Variants in WIPF2 observed in about 807,000 individuals in gnomAD.
The protein encoded by WIPF2 is WAS/WASL-interacting protein family member 2.
A neutral mutation model predicts 38.8 loss-of-function variants in WIPF2; 23 were observed. The observed-to-expected ratio is 0.59, with a 90% CI of 0.43 to 0.84. WIPF2 has a LOEUF of 0.84. Ranked by LOEUF, WIPF2 falls within the 40% of genes least tolerant of loss-of-function variation. The pLI, the probability that WIPF2 is intolerant of heterozygous loss-of-function variation, is 0.00. For synonymous variants in WIPF2, 210 were observed against 223.2 expected, an observed-to-expected ratio of 0.94 and a Z score of 0.53; for missense variants, 574 against 580.5, an observed-to-expected ratio of 0.99 and a Z score of 0.11.
At chr17:40,272,664 A>G (rs899203081) in intron 5 of WIPF2, among the ~76,000 whole-genome samples, 1 of 151,998 alleles carries the variant, frequency 6.6e-6, no homozygotes, top group African/African-American at 2.4e-5. Flanking sequence ...GGTAGGGAGG[A>G]TTTGGTAGTA....
intron 1 of WIPF2, among the ~76,000 whole-genome samples, chr17:40,226,062 G>C (rs1412027525): frequency 6.6e-6 from 1 of 151,876 alleles, no homozygotes; most frequent in Non-Finnish European, 1.5e-5. Flanking sequence ...TATTTCTAAA[G>C]TGCAAATTCA....
intron 1 of WIPF2, among the ~76,000 whole-genome samples, chr17:40,242,279 AT>A (rs757428764): frequency 5.9e-5 from 9 of 152,130 alleles, no homozygotes; most frequent in Non-Finnish European, 1.2e-4. Flanking sequence ...AGGTGAGAAG[AT>A]TGCTTGAGCC....
chr17:40,223,881 G>A (rs781690699), intron 1 of WIPF2, among the ~76,000 whole-genome samples: 1 of 151,858 alleles, frequency 6.6e-6, no homozygotes, highest in East Asian at 1.9e-4. Flanking sequence ...CACCGCGCCC[G>A]GCCCGAGAAA....
intron 5 of WIPF2, among the ~76,000 whole-genome samples, chr17:40,270,411 C>T (rs1034678329): frequency 1.3e-5 from 2 of 151,802 alleles, no homozygotes; most frequent in African/African-American, 2.4e-5. Context: ...GACAAAGAGC[C>T]CAGAAGCTTA....
At chr17:40,255,075 G>A (rs951523069) in intron 1 of WIPF2, among the ~76,000 whole-genome samples, 1 of 152,072 alleles carries the variant, frequency 6.6e-6, no homozygotes, top group African/African-American at 2.4e-5. Context: ...TCAAGAAAAT[G>A]AGAAGATAAG....
intron 1 of WIPF2, among the ~76,000 whole-genome samples, chr17:40,245,032 G>C (rs1334619352): frequency 2.0e-5 from 3 of 152,170 alleles, no homozygotes; most frequent in African/African-American, 7.2e-5. Flanking sequence ...TGTAGTCCCA[G>C]CTACTGGGGA....
intron 5 of WIPF2, among the ~76,000 whole-genome samples, chr17:40,271,115 C>T (rs1179777386): frequency 6.6e-6 from 1 of 152,120 alleles, no homozygotes; most frequent in East Asian, 1.9e-4. Context: ...GGATTGCAGG[C>T]GTGTGCCACC....
At chr17:40,238,060 G>T (rs1354411876) in intron 1 of WIPF2, among the ~76,000 whole-genome samples, 2 of 144,928 alleles carry the variant, frequency 1.4e-5, no homozygotes, top group Non-Finnish European at 3.0e-5. Context: ...GGGAGACTCC[G>T]TCTCAAAAGA....
In WIPF2 at chr17:40,264,983, T is replaced by TA. The variant is rs2032039895; in HGVS notation, c.809dup (p.Asn270LysfsTer2). 1.2e-6 allele frequency: 2 copies of TA among 1,613,922 alleles called. No homozygotes were observed. The highest frequency in any genetic ancestry group is 2.2e-5 in the South Asian group (2 of 91,086). ...TCCCCAATGGACCCTCTAGCCCCAC[T>TA]AATGAGTCAGCCCCTGAGCTGCCAC... On this transcript the variant is annotated frameshift_variant, in exon 5 of 8. Coordinates refer to ENST00000323571, the MANE Select transcript of WIPF2 (RefSeq NM_133264.5). LOFTEE classifies it high-confidence loss of function.
At chr17:40,230,156 A>C (rs2030678265) in intron 1 of WIPF2, among the ~76,000 whole-genome samples, 2 of 152,122 alleles carry the variant, frequency 1.3e-5, no homozygotes, top group Non-Finnish European at 2.9e-5. Flanking sequence ...TGGGCAACAT[A>C]GGGAGACCCC....
intron 1 of WIPF2, among the ~76,000 whole-genome samples, chr17:40,234,544 C>T (rs556516092): frequency 6.6e-6 from 1 of 152,184 alleles, no homozygotes; most frequent in East Asian, 1.9e-4. Flanking sequence ...ATCACTTGAG[C>T]TGGTAGGTCA....
At chr17:40,277,637 C>T (rs1403759110) in intron 7 of WIPF2, among the ~76,000 whole-genome samples, 2 of 151,078 alleles carry the variant, frequency 1.3e-5, no homozygotes, top group African/African-American at 2.4e-5. Context: ...GCCAAGATCA[C>T]GCTACTGTAC....
chr17:40,264,058 C>T (rs768666368), intron 4 of WIPF2, among the ~76,000 whole-genome samples: 6 of 151,706 alleles, frequency 4.0e-5, no homozygotes, highest in African/African-American at 7.3e-5. Flanking sequence ...CTAGGCCGGA[C>T]GTGGTGGCTC....
At chr17:40,245,186 G>GC (rs1598478700) in intron 1 of WIPF2, among the ~76,000 whole-genome samples, 1 of 151,628 alleles carries the variant, frequency 6.6e-6, no homozygotes, top group East Asian at 1.9e-4. Flanking sequence ...ATGATTCTCT[G>GC]TTTTTTTTAC....
In WIPF2 at chr17:40,278,251, G is replaced by A; in HGVS notation, c.*26G>A. 1 of 1,612,444 alleles carries A rather than the reference G, an allele frequency of 6.2e-7. No individual in the cohort carries two copies. The highest frequency in any genetic ancestry group is 8.5e-7 in the Non-Finnish European group (1 of 1,179,252). On this transcript the variant is annotated 3_prime_UTR_variant, in exon 8 of 8. Transcript: ENST00000323571. Reference sequence around the variant, plus strand: ...AGCCTGGCTTGGTCCCGTTCCTCAGGAAAAGGATGGACCTTCTCTTCTTCT... The same window carrying A: ...AGCCTGGCTTGGTCCCGTTCCTCAGAAAAAGGATGGACCTTCTCTTCTTCT...
At chr17:40,273,122 C>T (rs1408349411) in intron 5 of WIPF2, among the ~76,000 whole-genome samples, 2 of 152,212 alleles carry the variant, frequency 1.3e-5, no homozygotes, top group East Asian at 1.9e-4. Flanking sequence ...CAACCTCCAC[C>T]TCCCAGGTTC....
At chr17:40,266,592 T>C (rs190089010) in intron 5 of WIPF2, among the ~76,000 whole-genome samples, 4 of 152,238 alleles carry the variant, frequency 2.6e-5, no homozygotes, top group Admixed American at 6.5e-5. Flanking sequence ...AGAAATCTCT[T>C]AAAGAGTTCG....
At chr17:40,224,671 C>G (rs2030407798) in intron 1 of WIPF2, among the ~76,000 whole-genome samples, 1 of 151,734 alleles carries the variant, frequency 6.6e-6, no homozygotes, top group Non-Finnish European at 1.5e-5. Flanking sequence ...CTTTTAGTCT[C>G]TGGTGGACAT....
intron 1 of WIPF2, among the ~76,000 whole-genome samples, chr17:40,241,179 A>G (rs1023893352): frequency 6.6e-5 from 10 of 152,104 alleles, no homozygotes; most frequent in Non-Finnish European, 1.5e-4. Flanking sequence ...TGCTTGTTGG[A>G]TATACAGATT....
Sources: allele counts gnomAD v4.1 joint callset (sites outside exome capture counted in the v4.1 genomes callset), GRCh38; gene constraint gnomAD v4.1.1; transcripts MANE v1.5; gene names NCBI Gene and HGNC (gene_info 2026-07-23, HGNC 2026-07-21).